The following SETD1B variants were observed in gnomAD, a reference collection of about 807,000 sequenced individuals.
The protein encoded by SETD1B is histone-lysine N-methyltransferase SETD1B.
A neutral mutation model predicts 148.0 loss-of-function variants in SETD1B; 7 were observed. The observed-to-expected ratio is 0.05, with a 90% CI of 0.03 to 0.09. SETD1B has a LOEUF of 0.09. Ranked by LOEUF, SETD1B falls within the 10% of genes least tolerant of loss-of-function variation. The probability of loss-of-function intolerance (pLI) is 1.00; values close to 1 mark genes in which losing one functional copy is unlikely to be tolerated. For synonymous variants in SETD1B, 1,361 were observed against 1,186.5 expected, an observed-to-expected ratio of 1.15 and a Z score of -3.02; for missense variants, 2,155 against 2,729.9, an observed-to-expected ratio of 0.79 and a Z score of 4.69.
Position 121,830,633 on chromosome 12 carries a change from T to C in SETD1B, c.*394T>C, listed in dbSNP as rs1877050406. 1 of 162,426 alleles carries C rather than the reference T, an allele frequency of 6.2e-6. No homozygotes were observed. Among genetic ancestry groups the C allele is most frequent in the Non-Finnish European group, 1.3e-5 (1 of 74,838 alleles). The allele number at this position is 162,426 out of a possible 1,614,324, so 10.1% of individuals were successfully genotyped here. On this transcript the variant is annotated 3_prime_UTR_variant, in exon 17 of 17. Transcript: ENST00000604567. This position sits in a 1 kb window ranked among gnomAD's most constrained non-coding sequence, Gnocchi z 5.7. ...TTTGTCTTCTCTATTTTTTTCCTCG[T>C]TGTGAGAAAAGACATTTAACCGTTG...
upstream of SETD1B, chr12:121,801,702 A>G (rs1795965): frequency 0.78 from 119,316 of 152,256 alleles, 47,352 homozygotes; most frequent in East Asian, 0.98. Context: ...CTTTGTTCTT[A>G]TTACCTTTTT....
chr12:121,798,539 G>T, the SETD1B span, among the ~76,000 whole-genome samples: 1 of 152,212 alleles, frequency 6.6e-6, no homozygotes, highest in African/African-American at 2.4e-5. Flanking sequence ...TTTCCAGCAG[G>T]CATCCTTATC....
the SETD1B span, among the ~76,000 whole-genome samples, chr12:121,792,215 C>T: frequency 6.6e-6 from 1 of 151,228 alleles, no homozygotes; most frequent in Non-Finnish European, 1.5e-5. Flanking sequence ...TCACCTCACA[C>T]ACACAAGGCT....
chr12:121,811,699 C>T (rs981371877), intron 6 of SETD1B, among the ~76,000 whole-genome samples: 10 of 152,304 alleles, frequency 6.6e-5, no homozygotes, highest in Admixed American at 1.3e-4. Flanking sequence ...TTAGACAGAG[C>T]TCTGCGTCCC....
At chr12:121,792,456 C>T in the SETD1B span, among the ~76,000 whole-genome samples, 8 of 152,272 alleles carry the variant, frequency 5.3e-5, no homozygotes, top group African/African-American at 1.7e-4. Flanking sequence ...CCGTGGGGGC[C>T]TGCAGGTGGC....
In SETD1B at chr12:121,825,379, C is replaced by T. The variant is rs916222830; in HGVS notation, c.5337+13C>T. The T allele has an allele frequency of 2.6e-6, 4 of 1,546,066 alleles. No individual in the cohort carries two copies. Among genetic ancestry groups the T allele is most frequent in the African/African-American group, 2.7e-5 (2 of 73,022 alleles). Reference sequence around the variant, plus strand: ...CGCAGACACCCAGGTACTGCCAGGGCTCCTGGACACATCAGAGCCTGCTGG... The same window carrying T: ...CGCAGACACCCAGGTACTGCCAGGGTTCCTGGACACATCAGAGCCTGCTGG... On this transcript the variant is annotated intron_variant, in intron 13 of 16. Coordinates refer to ENST00000604567, the MANE Select transcript of SETD1B (RefSeq NM_001353345.2).
chr12:121,815,545 T>C (rs1876252869), intron 7 of SETD1B, among the ~76,000 whole-genome samples: 1 of 152,142 alleles, frequency 6.6e-6, no homozygotes, highest in Non-Finnish European at 1.5e-5. Flanking sequence ...GGTCTCGCTG[T>C]ATCGTCCAGG....
the SETD1B span, among the ~76,000 whole-genome samples, chr12:121,790,220 C>T: frequency 1.3e-5 from 2 of 152,268 alleles, no homozygotes; most frequent in Non-Finnish European, 2.9e-5. Context: ...AGCGTTTGGT[C>T]CTGGGTGTGG....
chr12:121,807,643 C>T (rs896206271), intron 4 of SETD1B, among the ~76,000 whole-genome samples: 1 of 152,058 alleles, frequency 6.6e-6, no homozygotes, highest in Non-Finnish European at 1.5e-5. Flanking sequence ...TAAAAGCCTC[C>T]TTCTGCTGAG....
chr12:121,813,110 C>T (rs190763847), intron 6 of SETD1B, among the ~76,000 whole-genome samples: 1 of 152,314 alleles, frequency 6.6e-6, no homozygotes, highest in Admixed American at 6.5e-5. Flanking sequence ...GGGCTCCAGA[C>T]CTTCTTCTGA....
intron 4 of SETD1B, among the ~76,000 whole-genome samples, chr12:121,806,656 C>CGGGGAAGAGCAGAG (rs1566546531): frequency 6.6e-6 from 1 of 152,168 alleles, no homozygotes; most frequent in East Asian, 1.9e-4. Flanking sequence ...ACAGAGCCGC[C>CGGGGAAGAGCAGAG]GGGGAAGAGC....
Position 121,806,364 on chromosome 12 carries a change from C to T in SETD1B, c.544+259C>T, listed in dbSNP as rs181465285. On this transcript the variant is annotated intron_variant, in intron 4 of 16. Transcript: ENST00000604567. The stretch of plus-strand genomic sequence containing the variant: ...TAGGGACCACCCGGAGGCTTCCCCA[C>T]CGCTGACACCCCCGCGGGCCCCCTC... Among the ~76,000 whole-genome samples, 815 of 152,302 alleles carry T rather than the reference C, an allele frequency of 5.4e-3. 3 individuals are homozygous for T. The highest frequency in any genetic ancestry group is 8.0e-3 in the Non-Finnish European group (545 of 68,022).
At position 121,817,885 on chromosome 12, in the gene SETD1B, C is replaced by T. The variant is rs371213953; in HGVS notation, c.3399C>T (p.Asp1133=). The T allele has an allele frequency of 1.6e-4, 252 of 1,549,664 alleles. No individual in the cohort carries two copies. Among genetic ancestry groups the T allele is most frequent in the Non-Finnish European group, 2.0e-4 (225 of 1,145,962 alleles). The change falls in exon 10 of 17, where the codon GAC becomes GAT. Residue 1133 remains aspartate (D), a synonymous_variant. Transcript: ENST00000604567. This position sits in a 1 kb window ranked among gnomAD's most constrained non-coding sequence, Gnocchi z 8.1. ...CCCTGTCAGAGGCGAGTGAGAAGGA[C>T]GAAGGGGACTCGGATGAAGGTGAGC... The part of the protein sequence containing the change: ...DTALSEASEK[D]EGDSDEEETV...
intron 11 of SETD1B, among the ~76,000 whole-genome samples, chr12:121,820,287 T>A (rs540473842): frequency 3.9e-5 from 6 of 152,302 alleles, no homozygotes; most frequent in African/African-American, 1.4e-4. Context: ...CATTGCCCCC[T>A]CCGGCATCGT....
intron 12 of SETD1B, among the ~76,000 whole-genome samples, chr12:121,824,528 T>G (rs1876744814): frequency 1.3e-5 from 2 of 152,122 alleles, no homozygotes; most frequent in Admixed American, 6.5e-5. Flanking sequence ...ATGCCTATAA[T>G]TCCAGCTACT....
At chr12:121,803,679 C>G (rs1291901937), upstream of SETD1B, 1 of 152,114 alleles carries the variant, frequency 6.6e-6, no homozygotes, top group South Asian at 2.1e-4. This position sits in a 1 kb window ranked among gnomAD's most constrained non-coding sequence, Gnocchi z 4.7. Context: ...TTTGCAGGCC[C>G]GGGACGCACG....
chr12:121,814,503 T>A lies in SETD1B; in HGVS notation c.2288T>A (p.Val763Glu). ...FPVMQVDMSH[V>E]LGGQWGGMPM... ...GTGATGCAGGTGGACATGAGCCACG[T>A]GCTGGGTGGCCAGTGGGGCGGCATG... The change falls in exon 7 of 17, where the codon GTG becomes GAG. Residue 763 changes from valine (V) to glutamate (E), a missense_variant. Physicochemically the swap from Val to Glu is moderately radical, Grantham distance 121. Coordinates refer to ENST00000604567, the MANE Select transcript of SETD1B (RefSeq NM_001353345.2). 1 of 1,463,472 alleles carries A rather than the reference T, an allele frequency of 6.8e-7. No homozygotes were observed. 90.7% of individuals were successfully genotyped at this position (1,463,472 alleles called of 1,614,324 possible).
chr12:121,823,087 T>G lies in SETD1B; in HGVS notation c.4508T>G (p.Leu1503Arg). ...CGTGCGCCCACCCCGCTGCCACCCC[T>G]GCTGCCCGCCCCCCTGGCCTCTTGC... ...QARAPTPLPP[L>R]LPAPLASCPP... The change falls in exon 12 of 17, where the codon CTG (leucine) becomes CGG (arginine). Residue 1503 changes from leucine (L) to arginine (R), a missense_variant. Physicochemically the swap from Leu to Arg is moderately radical, Grantham distance 102. This residue lies in a region of SETD1B where 862 missense variants were observed against 873.8 expected (regional missense o/e 0.99). Coordinates refer to ENST00000604567, the MANE Select transcript of SETD1B (RefSeq NM_001353345.2). 2 of 550,534 alleles carry G rather than the reference T, an allele frequency of 3.6e-6. No individual in the cohort carries two copies. Among genetic ancestry groups the G allele is most frequent in the Non-Finnish European group, 4.4e-6 (2 of 451,942 alleles). 34.1% of individuals were successfully genotyped at this position (550,534 alleles called of 1,614,324 possible). A position where few individuals can be genotyped will look rare whatever the true frequency, so the allele number is the denominator to read the frequency against.
In SETD1B at chr12:121,825,360, C is replaced by T; in HGVS notation, c.5331C>T (p.Asp1777=). ...SRASTDEPPA[D]TQGMSIPAQP... is the part of the protein sequence containing the mutation. ...CCAGCACCGATGAGCCCCCCGCAGA[C>T]ACCCAGGTACTGCCAGGGCTCCTGG... Residue 1777 remains aspartate (D), a synonymous_variant, in exon 13 of 17, where the codon GAC becomes GAT. Transcript: ENST00000604567. 2 of 1,549,488 alleles carry T rather than the reference C, an allele frequency of 1.3e-6. No homozygotes were observed. Among genetic ancestry groups the T allele is most frequent in the East Asian group, 2.4e-5 (1 of 40,918 alleles).
Sources: allele counts gnomAD v4.1 joint callset (sites outside exome capture counted in the v4.1 genomes callset), GRCh38; gene constraint gnomAD v4.1.1; regional missense constraint gnomAD v4.1.1; non-coding constraint Gnocchi (gnomAD v3.1); transcripts MANE v1.5; gene names NCBI Gene and HGNC (gene_info 2026-07-23, HGNC 2026-07-21).